Variants in PCDHGB3 observed in about 807,000 individuals in gnomAD.
PCDHGB3 encodes the protein protocadherin gamma-B3.
PCDHGB3 carries 40 observed loss-of-function variants against 59.2 expected under a neutral mutation model. The ratio of observed to expected loss-of-function variants is 0.68; its 90% confidence interval spans 0.52 to 0.88. The LOEUF is 0.88. PCDHGB3 is among the 40% of genes least tolerant of loss of function. PCDHGB3 has a pLI of 0.00. For missense variants in PCDHGB3, 1,309 were observed against 1,187.9 expected (o/e 1.10, Z -1.50); for synonymous variants, 581 against 503.6 (o/e 1.15, Z -2.06).
At chr5:141,470,508 G>A (rs947583701) in intron 1 of PCDHGB3, among the ~76,000 whole-genome samples, 10 of 152,176 alleles carry the variant, frequency 6.6e-5, no homozygotes, top group African/African-American at 2.4e-4. Flanking sequence ...TAATTAGACA[G>A]TTAGCTAATA....
In PCDHGB3 at chr5:141,432,877, C is replaced by T. The variant is rs375043811; in HGVS notation, c.2415+60068C>T. 108 of 1,614,082 alleles carry T rather than the reference C, an allele frequency of 6.7e-5. No homozygotes were observed. Among genetic ancestry groups the T allele is most frequent in the Non-Finnish European group, 7.6e-5 (90 of 1,180,018 alleles). On this transcript the variant is annotated intron_variant, in intron 1 of 3. Coordinates refer to ENST00000576222, the MANE Select transcript of PCDHGB3 (RefSeq NM_018924.5). The surrounding 1 kb of genome is among the most constrained non-coding windows in gnomAD (Gnocchi z 6.0). Reference sequence around the variant, plus strand: ...CCGCGGTCTCCTGCGTCTTCCTGGCCTTCGTCATCTTGCTGCTGGCGCTCA... The same window carrying T: ...CCGCGGTCTCCTGCGTCTTCCTGGCTTTCGTCATCTTGCTGCTGGCGCTCA...
In PCDHGB3 at chr5:141,374,846, C is replaced by T. The variant is rs1473498001; in HGVS notation, c.2415+2037C>T. 4.3e-6 allele frequency: 7 copies of T among 1,613,724 alleles called. No individual in the cohort carries two copies. In the African/African-American group the frequency reaches 8.0e-5, roughly 18 times the overall value. On this transcript the variant is annotated intron_variant, in intron 1 of 3. Coordinates refer to ENST00000576222, the MANE Select transcript of PCDHGB3 (RefSeq NM_018924.5). ...CTACCGTGTAAGTGTTCCTGAAAAC[C>T]TGCCAGTAGGCACACCAGTGTTGGC...
intron 1 of PCDHGB3, among the ~76,000 whole-genome samples, chr5:141,401,792 T>C (rs1359997438): frequency 6.6e-6 from 1 of 152,212 alleles, no homozygotes; most frequent in Non-Finnish European, 1.5e-5. Context: ...CCTTAGTATG[T>C]GATTCAGTAA....
intron 2 of PCDHGB3, among the ~76,000 whole-genome samples, chr5:141,498,963 GGGAGGGAGGGAAGGAAGGAA>G (rs1472475865): frequency 5.7e-4 from 74 of 129,970 alleles, no homozygotes; most frequent in Non-Finnish European, 2.6e-4. Flanking sequence ...GAGAGAGGGA[GGGAGGGAGGGAAGGAAGGAA>G]GGAAGGAAGG....
chr5:141,502,514 T>A (rs2099814743), intron 2 of PCDHGB3, among the ~76,000 whole-genome samples: 1 of 152,202 alleles, frequency 6.6e-6, no homozygotes, highest in African/African-American at 2.4e-5. Flanking sequence ...TGTCCCACTA[T>A]CAGTGATGCC....
chr5:141,488,572 T>C (rs888054788), intron 1 of PCDHGB3, among the ~76,000 whole-genome samples: 28 of 152,212 alleles, frequency 1.8e-4, no homozygotes, highest in African/African-American at 6.8e-4. Flanking sequence ...CCGCAAAGCA[T>C]TGCTGGAGAG....
At chr5:141,387,663 T>G (rs999949836) in intron 1 of PCDHGB3, 6 of 673,368 alleles carry the variant, frequency 8.9e-6, no homozygotes, top group Admixed American at 6.4e-5. Flanking sequence ...AGCTTGGCGC[T>G]CCAGATCTCC....
At chr5:141,460,483 C>G (rs2098990314) in intron 1 of PCDHGB3, among the ~76,000 whole-genome samples, 1 of 152,046 alleles carries the variant, frequency 6.6e-6, no homozygotes, top group African/African-American at 2.4e-5. Flanking sequence ...ATCCAATTGT[C>G]TCTTTGGAAA....
At chr5:141,419,729 G>A in intron 1 of PCDHGB3, 1 of 1,613,758 alleles carries the variant, frequency 6.2e-7, no homozygotes, top group Non-Finnish European at 8.5e-7. Context: ...GCTGCGAACA[G>A]GCGAGGTGCG....
In PCDHGB3 at chr5:141,477,877, C is replaced by A; in HGVS notation, c.2416-16930C>A. 1 of 1,614,170 alleles carries A rather than the reference C, an allele frequency of 6.2e-7. No homozygotes were observed. The highest frequency in any genetic ancestry group is 8.5e-7 in the Non-Finnish European group (1 of 1,180,036). On this transcript the variant is annotated intron_variant, in intron 1 of 3. Transcript: ENST00000576222. This position sits in a 1 kb window ranked among gnomAD's most constrained non-coding sequence, Gnocchi z 4.9. The stretch of plus-strand genomic sequence containing the variant: ...TGCTGCCTCGAGGTACCTCAGCTGG[C>A]CACCTAGTGTCACGGGTGGTAGGCT...
At chr5:141,421,662 G>A (rs2096591243) in intron 1 of PCDHGB3, 3 of 1,613,844 alleles carry the variant, frequency 1.9e-6, no homozygotes, top group South Asian at 1.1e-5. Context: ...AAGTCAGTGA[G>A]CACGCAATTC....
rs1337141924 is a variant in PCDHGB3, at chr5:141,512,916, CTAATATT to C, written c.*1746_*1752del. On this transcript the variant is annotated 3_prime_UTR_variant, in exon 4 of 4. Coordinates refer to ENST00000576222, the MANE Select transcript of PCDHGB3 (RefSeq NM_018924.5). The stretch of plus-strand genomic sequence containing the variant: ...CTGTGTCTCACGCAAGTTTTATACT[CTAATATT>C]TATATGGCTTTTTTTCTTCGACAAA... The C allele has an allele frequency of 1.3e-5, 2 of 152,206 alleles. No homozygotes were observed. Among genetic ancestry groups the C allele is most frequent in the Non-Finnish European group, 2.9e-5 (2 of 68,046 alleles). The allele number at this position is 152,206 out of a possible 1,614,324, so 9.4% of individuals were successfully genotyped here.
Position 141,431,704 on chromosome 5 carries a change from C to T in PCDHGB3, c.2415+58895C>T. On this transcript the variant is annotated intron_variant, in intron 1 of 3. Transcript: ENST00000576222. The surrounding 1 kb of genome is among the most constrained non-coding windows in gnomAD (Gnocchi z 4.8). ...TGGACCACGAGGAGTCAGGATTCTA[C>T]CAGATGGAAGTGCAAGCAATGGATA... 1 of 1,614,194 alleles carries T rather than the reference C, an allele frequency of 6.2e-7. No homozygotes were observed. The highest frequency in any genetic ancestry group is 8.5e-7 in the Non-Finnish European group (1 of 1,180,036).
Position 141,476,500 on chromosome 5 carries a change from C to A in PCDHGB3, c.2416-18307C>A. The A allele has an allele frequency of 6.2e-7, 1 of 1,613,874 alleles. No homozygotes were observed. The highest frequency in any genetic ancestry group is 8.5e-7 in the Non-Finnish European group (1 of 1,179,950). ...GCGTGGAAGTGGTGATCCAGGACAT[C>A]AACGACAACAATCCTGCTTTCCCTA... On this transcript the variant is annotated intron_variant, in intron 1 of 3. Coordinates refer to ENST00000576222, the MANE Select transcript of PCDHGB3 (RefSeq NM_018924.5). The surrounding 1 kb of genome is among the most constrained non-coding windows in gnomAD (Gnocchi z 7.6).
At chr5:141,408,677 G>A (rs2095149334) in intron 1 of PCDHGB3, 1 of 1,613,898 alleles carries the variant, frequency 6.2e-7, no homozygotes. Flanking sequence ...CCCTGCCACG[G>A]ATCCTGATAT....
At position 141,510,228 on chromosome 5, in the gene PCDHGB3, G is replaced by A. The variant is rs529723748; in HGVS notation, c.2564-719G>A. The stretch of plus-strand genomic sequence containing the variant: ...GCAGAGGTTGCAGTGAGCCGGGATC[G>A]CGCCACTGCACTCCAGGCTGGGCGA... On this transcript the variant is annotated intron_variant, in intron 3 of 3. Coordinates refer to ENST00000576222, the MANE Select transcript of PCDHGB3 (RefSeq NM_018924.5). Among the ~76,000 whole-genome samples the A allele has an allele frequency of 1.4e-3, 208 of 150,722 alleles. 1 individual carries two copies. Among genetic ancestry groups the A allele is most frequent in the African/African-American group, 4.7e-3 (193 of 40,860 alleles).
intron 1 of PCDHGB3, chr5:141,393,568 T>G (rs549396721): frequency 1.2e-6 from 2 of 1,613,904 alleles, no homozygotes; most frequent in African/African-American, 2.7e-5. Context: ...GTGAAAGTCC[T>G]TGAGAACATG....
At chr5:141,483,907 C>A (rs545585133) in intron 1 of PCDHGB3, among the ~76,000 whole-genome samples, 1 of 151,240 alleles carries the variant, frequency 6.6e-6, no homozygotes, top group East Asian at 1.9e-4. Context: ...TGGTGTGTTT[C>A]CCACTCAGAT....
chr5:141,392,745 G>A, intron 1 of PCDHGB3: 1 of 1,441,296 alleles, frequency 6.9e-7, no homozygotes, highest in African/African-American at 1.4e-5. Flanking sequence ...CCATAGCTGC[G>A]GCAAGAAACT....
Sources: allele counts gnomAD v4.1 joint callset (sites outside exome capture counted in the v4.1 genomes callset), GRCh38; gene constraint gnomAD v4.1.1; non-coding constraint Gnocchi (gnomAD v3.1); transcripts MANE v1.5; gene names NCBI Gene and HGNC (gene_info 2026-07-23, HGNC 2026-07-21).